Variants in SEC24A observed in about 807,000 individuals in gnomAD.
SEC24A encodes SEC24 homolog A, COPII component.
Under a neutral mutation model 129.4 loss-of-function variants are expected in SEC24A, and 93 were observed. The ratio of observed to expected loss-of-function variants is 0.72; its 90% CI spans 0.61 to 0.85. The LOEUF is 0.85. Ranked by LOEUF, SEC24A falls within the 40% of genes least tolerant of loss-of-function variation. The pLI, the probability that SEC24A is intolerant of heterozygous loss-of-function variation, is 0.00. For missense variants in SEC24A, 1,264 were observed against 1,307.4 expected, an observed-to-expected ratio of 0.97 and a Z score of 0.51; for synonymous variants, 460 against 467.3, an observed-to-expected ratio of 0.98 and a Z score of 0.20.
chr5:134,713,957 G>A (rs930958880), intron 18 of SEC24A, among the ~76,000 whole-genome samples: 12 of 151,192 alleles, frequency 7.9e-5, no homozygotes, highest in Admixed American at 2.6e-4. Flanking sequence ...CAGGAGAATC[G>A]CTTGAACCTG....
chr5:134,676,459 T>TTTTC (rs1321341970), intron 7 of SEC24A, among the ~76,000 whole-genome samples: 1 of 148,394 alleles, frequency 6.7e-6, no homozygotes, highest in Non-Finnish European at 1.5e-5. Context: ...TTTTTTTTTT[T>TTTTC]TTCTGAGACT....
At chr5:134,651,729 G>T (rs1750057751) in intron 1 of SEC24A, among the ~76,000 whole-genome samples, 2 of 152,016 alleles carry the variant, frequency 1.3e-5, no homozygotes, top group African/African-American at 4.8e-5. Context: ...CTTCCAAAGT[G>T]CTGGGATTAG....
intron 1 of SEC24A, among the ~76,000 whole-genome samples, chr5:134,659,385 A>AT (rs1180147057): frequency 6.6e-6 from 1 of 151,994 alleles, no homozygotes; most frequent in East Asian, 1.9e-4. Flanking sequence ...CAGACCCATT[A>AT]TTTTGATGGG....
chr5:134,713,075 G>T (rs1752377365), intron 18 of SEC24A, among the ~76,000 whole-genome samples: 1 of 150,718 alleles, frequency 6.6e-6, no homozygotes, highest in South Asian at 2.1e-4. Flanking sequence ...GGGACTACAG[G>T]CGCCCACCAC....
At chr5:134,688,741 A>T (rs1341528101) in intron 11 of SEC24A, among the ~76,000 whole-genome samples, 1 of 151,690 alleles carries the variant, frequency 6.6e-6, no homozygotes, top group African/African-American at 2.4e-5. Flanking sequence ...GTGCAGTGGC[A>T]CGATCTTGGC....
In SEC24A at chr5:134,686,871, G is replaced by A. The variant is rs1343495809; in HGVS notation, c.1573G>A (p.Val525Ile). The change falls in exon 10 of 23, where the codon GTT becomes ATT. Residue 525 changes from valine to isoleucine, a missense_variant. Val to Ile is a conservative substitution (Grantham distance 29). Transcript: ENST00000398844. Reference protein sequence around the residue: ...NAVETGYLNSVCQSLLDNLDL... With the variant: ...NAVETGYLNSICQSLLDNLDL... The stretch of plus-strand genomic sequence containing the variant: ...AGTCGAAACTGGATACTTGAATTCA[G>A]TTTGCCAGAGTTTGTTAGACAATCT... 2 of 1,606,872 alleles carry A rather than the reference G, an allele frequency of 1.2e-6. No homozygotes were observed. The highest frequency in any genetic ancestry group is 2.2e-5 in the East Asian group (1 of 44,638).
At chr5:134,704,449 T>G (rs889088830) in intron 16 of SEC24A, among the ~76,000 whole-genome samples, 1 of 152,096 alleles carries the variant, frequency 6.6e-6, no homozygotes, top group African/African-American at 2.4e-5. Flanking sequence ...ATATTGTCAT[T>G]TGAATGCGAT....
chr5:134,671,959 A>G, intron 4 of SEC24A, 73 bp downstream of exon 4: 2 of 884,156 alleles, frequency 2.3e-6, no homozygotes, highest in Non-Finnish European at 3.7e-6. Context: ...TAATTGTACA[A>G]ATATATAGGA....
intron 1 of SEC24A, among the ~76,000 whole-genome samples, chr5:134,655,269 G>A (rs1000066839): frequency 2.6e-5 from 4 of 152,158 alleles, no homozygotes; most frequent in Non-Finnish European, 5.9e-5. Flanking sequence ...GAAGCTGCTG[G>A]TTGGGTGGGA....
chr5:134,674,048 G>A (rs561956063), intron 4 of SEC24A, among the ~76,000 whole-genome samples: 96 of 152,138 alleles, frequency 6.3e-4, no homozygotes, highest in Admixed American at 1.2e-3. Context: ...CAGGAAAATC[G>A]CTTGAACCCG....
At chr5:134,682,071 G>A (rs906239018) in intron 8 of SEC24A, among the ~76,000 whole-genome samples, 47 of 151,920 alleles carry the variant, frequency 3.1e-4, no homozygotes, top group Non-Finnish European at 5.7e-4. Context: ...GAGAAACCCC[G>A]TCTGTACTAA....
At chr5:134,654,101 A>G (rs140222522) in intron 1 of SEC24A, among the ~76,000 whole-genome samples, 65 of 151,958 alleles carry the variant, frequency 4.3e-4, no homozygotes, top group Admixed American at 2.1e-3. Flanking sequence ...TAAGGCTGCA[A>G]TGAGCCATGA....
intron 2 of SEC24A, among the ~76,000 whole-genome samples, chr5:134,664,868 G>A (rs1467347374): frequency 3.1e-5 from 4 of 130,592 alleles, no homozygotes; most frequent in South Asian, 2.4e-4. Context: ...GCGCAATCTC[G>A]GCTCACTGCA....
At chr5:134,704,225 A>G (rs774959955) in intron 16 of SEC24A, among the ~76,000 whole-genome samples, 1 of 151,982 alleles carries the variant, frequency 6.6e-6, no homozygotes, top group Non-Finnish European at 1.5e-5. Context: ...GTGCGCCACC[A>G]CATCCAGCTA....
chr5:134,656,450 A>G (rs1750248047), intron 1 of SEC24A, among the ~76,000 whole-genome samples: 1 of 151,526 alleles, frequency 6.6e-6, no homozygotes, highest in Admixed American at 6.6e-5. Context: ...TGTGTTTAAA[A>G]TAACTCTTCG....
intron 3 of SEC24A, among the ~76,000 whole-genome samples, chr5:134,667,995 C>G (rs1160710027): frequency 2.0e-5 from 3 of 152,056 alleles, no homozygotes; most frequent in African/African-American, 7.2e-5. Context: ...AGGCAGATCA[C>G]TTGAGGTCAG....
intron 1 of SEC24A, chr5:134,649,391 A>G (rs1165500702): frequency 6.9e-6 from 3 of 434,344 alleles, no homozygotes; most frequent in South Asian, 3.8e-5. Flanking sequence ...TCACCAAAAC[A>G]GTAAATGAGC....
chr5:134,666,414 G>A (rs879775639), intron 2 of SEC24A, among the ~76,000 whole-genome samples: 1 of 152,066 alleles, frequency 6.6e-6, no homozygotes, highest in African/African-American at 2.4e-5. Context: ...AAAATTCACC[G>A]GGCATGGTTT....
At chr5:134,663,438 T>A (rs1750543380) in intron 2 of SEC24A, among the ~76,000 whole-genome samples, 1 of 152,194 alleles carries the variant, frequency 6.6e-6, no homozygotes. Flanking sequence ...TTAATCTTCG[T>A]AACAGTCTCT....
Sources: gnomAD v4.1 joint callset for allele counts (sites outside exome capture counted in the v4.1 genomes callset) on GRCh38, gnomAD v4.1.1 for gene constraint, MANE v1.5 for transcripts, NCBI Gene and HGNC (gene_info 2026-07-23, HGNC 2026-07-21) for gene names.